The following VKORC1L1 variants were observed in gnomAD, a reference collection of about 807,000 sequenced individuals.
The protein encoded by VKORC1L1 is vitamin K epoxide reductase complex subunit 1-like protein 1.
In VKORC1L1, 2 loss-of-function variants were observed where a neutral mutation model predicts 18.9. The ratio of observed to expected loss-of-function variants is 0.11; its 90% CI spans 0.04 to 0.33. The LOEUF is 0.33. Ranked by LOEUF, VKORC1L1 falls within the 10% of genes least tolerant of loss-of-function variation. VKORC1L1 has a pLI of 1.00. For missense variants in VKORC1L1, 123 were observed against 224.1 expected (o/e 0.55, Z 2.88); for synonymous variants, 96 against 100.0 (o/e 0.96, Z 0.24).
At chr7:65,903,639 G>A (rs1789355951) in intron 1 of VKORC1L1, among the ~76,000 whole-genome samples, 1 of 152,132 alleles carries the variant, frequency 6.6e-6, no homozygotes, top group African/African-American at 2.4e-5. Context: ...AGGCATGGTG[G>A]CGCGCGCCTG....
At chr7:65,878,650 A>G (rs1333870205) in intron 1 of VKORC1L1, among the ~76,000 whole-genome samples, 5 of 152,106 alleles carry the variant, frequency 3.3e-5, no homozygotes, top group Admixed American at 2.0e-4. Context: ...CACGCCTGTA[A>G]TCTCAGCACT....
chr7:65,874,755 A>G (rs1788797925), intron 1 of VKORC1L1, among the ~76,000 whole-genome samples: 1 of 152,108 alleles, frequency 6.6e-6, no homozygotes, highest in South Asian at 2.1e-4. Context: ...GCAGTGAGCC[A>G]AGACCACACC....
chr7:65,946,477 G>A (rs1352473148), intron 1 of VKORC1L1, among the ~76,000 whole-genome samples: 1 of 151,996 alleles, frequency 6.6e-6, no homozygotes, highest in Non-Finnish European at 1.5e-5. Flanking sequence ...TGTTTTCTCT[G>A]GAAATGCAGA....
At chr7:65,907,136 T>G (rs1213172261) in intron 1 of VKORC1L1, among the ~76,000 whole-genome samples, 1 of 152,136 alleles carries the variant, frequency 6.6e-6, no homozygotes, top group Non-Finnish European at 1.5e-5. Flanking sequence ...TCATTAAAAC[T>G]TAAGTAAAAA....
chr7:65,937,560 AT>A (rs1172278627), intron 1 of VKORC1L1, among the ~76,000 whole-genome samples: 2 of 151,760 alleles, frequency 1.3e-5, no homozygotes, highest in Non-Finnish European at 2.9e-5. Flanking sequence ...CATCCAGCTA[AT>A]TTTTTTTGGT....
intron 1 of VKORC1L1, among the ~76,000 whole-genome samples, chr7:65,945,663 G>A (rs1790109510): frequency 6.6e-6 from 1 of 152,118 alleles, no homozygotes; most frequent in Non-Finnish European, 1.5e-5. Flanking sequence ...ATGCCTCTGG[G>A]ATGAGAACTG....
intron 1 of VKORC1L1, among the ~76,000 whole-genome samples, chr7:65,927,867 C>T (rs79375687): frequency 1.3e-5 from 2 of 152,088 alleles, no homozygotes; most frequent in South Asian, 4.1e-4. Context: ...ATAGCCTAAA[C>T]TAAATTATTT....
rs1249340097 is a variant in VKORC1L1 at position 65,880,304 on chromosome 7, T to C, written c.194+6739T>C. Among the ~76,000 whole-genome samples, 3 of 152,222 alleles carry C rather than the reference T, an allele frequency of 2.0e-5. No individual in the cohort carries two copies. In the South Asian group the frequency reaches 6.2e-4, roughly 32 times the overall value. ...GTTTGTGGTATCACTTTTACCTGTT[T>C]AGAGCACTCTTTGGAAAGGCAGGGA... On this transcript the variant is annotated intron_variant, in intron 1 of 2. Transcript: ENST00000360768.
chr7:65,881,922 A>C (rs1788934778), intron 1 of VKORC1L1, among the ~76,000 whole-genome samples: 2 of 151,954 alleles, frequency 1.3e-5, no homozygotes, highest in South Asian at 4.2e-4. Context: ...TCTACTAAAA[A>C]TACAAAAATT....
chr7:65,870,507 T>G (rs1216299100), upstream of VKORC1L1, among the ~76,000 whole-genome samples: 1 of 152,160 alleles, frequency 6.6e-6, no homozygotes, highest in Non-Finnish European at 1.5e-5. Context: ...TGTTAGCAAT[T>G]TAATTCATGA....
intron 1 of VKORC1L1, among the ~76,000 whole-genome samples, chr7:65,914,966 A>G (rs913548709): frequency 3.3e-5 from 5 of 152,110 alleles, no homozygotes; most frequent in African/African-American, 1.2e-4. Flanking sequence ...TGATTGTGCT[A>G]CTGCACTCCA....
chr7:65,937,828 G>C (rs892243243), intron 1 of VKORC1L1, among the ~76,000 whole-genome samples: 4 of 152,114 alleles, frequency 2.6e-5, no homozygotes, highest in African/African-American at 9.7e-5. Flanking sequence ...GTATGTCCAA[G>C]GAACTCAGAG....
chr7:65,927,363 T>G (rs1018084187), intron 1 of VKORC1L1, among the ~76,000 whole-genome samples: 1 of 152,134 alleles, frequency 6.6e-6, no homozygotes, highest in Non-Finnish European at 1.5e-5. Flanking sequence ...AATCCCAGAA[T>G]TCACTATATG....
intron 1 of VKORC1L1, among the ~76,000 whole-genome samples, chr7:65,926,362 G>A (rs34586068): frequency 0.12 from 18,843 of 151,946 alleles, 1,318 homozygotes; most frequent in Middle Eastern, 0.21. Flanking sequence ...CACCATATTG[G>A]CCAGGCTGGT....
At chr7:65,922,451 T>G (rs1332402668) in intron 1 of VKORC1L1, among the ~76,000 whole-genome samples, 1 of 152,050 alleles carries the variant, frequency 6.6e-6, no homozygotes, top group Non-Finnish European at 1.5e-5. Flanking sequence ...TTCTGGCTAA[T>G]TTTTGTATTT....
chr7:65,919,221 T>TTGATTAATGGATTGACTA (rs1562995377), intron 1 of VKORC1L1, among the ~76,000 whole-genome samples: 1 of 152,224 alleles, frequency 6.6e-6, no homozygotes, highest in Non-Finnish European at 1.5e-5. Context: ...CTAATAGTCA[T>TTGATTAATGGATTGACTA]ATGTTTATTA....
chr7:65,931,938 G>C lies in VKORC1L1; in HGVS notation c.195-16733G>C, dbSNP rs117620770. Reference sequence around the variant, plus strand: ...TTGCAGGCATGAGCCACCATGCCCAGCCCATTTATTGATTTTCTTGATCAT... The same window carrying C: ...TTGCAGGCATGAGCCACCATGCCCACCCCATTTATTGATTTTCTTGATCAT... On this transcript the variant is annotated intron_variant, in intron 1 of 2. Coordinates refer to ENST00000360768, the MANE Select transcript of VKORC1L1 (RefSeq NM_173517.6). 1.2e-3 allele frequency among the ~76,000 whole-genome samples: 184 copies of C among 152,218 alleles called. 3 individuals carry two copies. The East Asian group carries it at 0.032, about 26-fold the overall frequency.
intron 1 of VKORC1L1, among the ~76,000 whole-genome samples, chr7:65,934,280 A>G (rs916809336): frequency 6.6e-6 from 1 of 152,184 alleles, no homozygotes; most frequent in African/African-American, 2.4e-5. Context: ...AATTGTATAT[A>G]TTTATGGAGT....
Position 65,900,953 on chromosome 7 carries a change from G to T in VKORC1L1, c.194+27388G>T, listed in dbSNP as rs566449076. On this transcript the variant is annotated intron_variant, in intron 1 of 2. Coordinates refer to ENST00000360768, the MANE Select transcript of VKORC1L1 (RefSeq NM_173517.6). ...TACTTCTGCAAAAGAGGTTATGAAT[G>T]AATTTGTGGGACTTGTTGAAATTTC... Among the ~76,000 whole-genome samples the T allele has an allele frequency of 7.4e-3, 1,127 of 152,288 alleles. 16 individuals carry two copies. Among genetic ancestry groups the T allele is most frequent in the African/African-American group, 0.025 (1,058 of 41,564 alleles).
Sources: allele counts gnomAD v4.1 joint callset (sites outside exome capture counted in the v4.1 genomes callset), GRCh38; gene constraint gnomAD v4.1.1; transcripts MANE v1.5; gene names NCBI Gene and HGNC (gene_info 2026-07-23, HGNC 2026-07-21).